SBF2: variants seen among roughly 807,000 people sequenced by gnomAD.
SBF2 encodes the protein SET binding factor 2.
In SBF2, 112 loss-of-function variants were observed where a neutral mutation model predicts 225.2. That is an observed-to-expected ratio of 0.50 (90% CI 0.43 to 0.58). The LOEUF (loss-of-function observed/expected upper bound fraction) is 0.58. SBF2 is among the 20% of genes least tolerant of loss of function. The probability of loss-of-function intolerance (pLI) is 0.00; values close to 1 mark genes in which losing one functional copy is unlikely to be tolerated. For missense variants in SBF2, 1,996 were observed against 2,206.2 expected, an observed-to-expected ratio of 0.90 and a Z score of 1.91; for synonymous variants, 763 against 773.3, an observed-to-expected ratio of 0.99 and a Z score of 0.22.
intron 1 of SBF2, among the ~76,000 whole-genome samples, chr11:10,217,571 C>G: frequency 6.6e-6 from 1 of 152,190 alleles, no homozygotes; most frequent in East Asian, 1.9e-4. Context: ...TTTATTAGTT[C>G]TAAAGTATCA....
intron 4 of SBF2, among the ~76,000 whole-genome samples, chr11:10,030,380 A>G (rs1214617519): frequency 4.6e-5 from 7 of 152,208 alleles, no homozygotes; most frequent in African/African-American, 1.7e-4. Context: ...TGCAATCTTT[A>G]TGAATCTTTC....
intron 2 of SBF2, among the ~76,000 whole-genome samples, chr11:10,117,592 C>A (rs1953206223): frequency 6.6e-6 from 1 of 152,080 alleles, no homozygotes; most frequent in South Asian, 2.1e-4. Flanking sequence ...CTTTCCTGAT[C>A]AGACTGAAAG....
intron 22 of SBF2, among the ~76,000 whole-genome samples, chr11:9,847,504 G>A (rs1856631540): frequency 8.7e-6 from 1 of 115,208 alleles, no homozygotes; most frequent in South Asian, 2.7e-4. Flanking sequence ...AATTTTATAG[G>A]AAGGGAGGTT....
At chr11:10,072,474 A>ATT (rs71453946) in intron 2 of SBF2, among the ~76,000 whole-genome samples, 45 of 149,500 alleles carry the variant, frequency 3.0e-4, no homozygotes, top group African/African-American at 1.1e-3. Flanking sequence ...ATATACTTCT[A>ATT]TTTTTTTTTT....
At chr11:10,259,473 C>A (rs889701806) in intron 1 of SBF2, among the ~76,000 whole-genome samples, 13 of 152,044 alleles carry the variant, frequency 8.6e-5, no homozygotes, top group Admixed American at 3.9e-4. Flanking sequence ...TCCTTAGAAC[C>A]TAACTAAGAA....
At chr11:9,994,257 G>A (rs1391376785) in intron 9 of SBF2, among the ~76,000 whole-genome samples, 2 of 151,436 alleles carry the variant, frequency 1.3e-5, no homozygotes, top group African/African-American at 4.8e-5. Context: ...GGCAGATCAC[G>A]AGGTCAGGAG....
At chr11:9,921,722 C>T (rs1863647228) in intron 16 of SBF2, among the ~76,000 whole-genome samples, 2 of 152,090 alleles carry the variant, frequency 1.3e-5, no homozygotes, top group Non-Finnish European at 2.9e-5. Flanking sequence ...ATACTTATGT[C>T]TTTATTTCTT....
chr11:9,780,499 A>G lies in SBF2; in HGVS notation c.5469T>C (p.Arg1823=), dbSNP rs373457270. 2.1e-5 allele frequency: 34 copies of G among 1,614,106 alleles called. No individual in the cohort carries two copies. In the South Asian group the frequency reaches 2.6e-4, roughly 13 times the overall value. The change falls in exon 40 of 40, where the codon CGT becomes CGC. Residue 1823 remains arginine, a synonymous_variant. Coordinates refer to ENST00000256190, the MANE Select transcript of SBF2 (RefSeq NM_030962.4). ...KAFFDLKTSK[R]VYNFCAQDGQ... ...CATCCTGGGCGCAGAAGTTATACAC[A>G]CGTTTGCTGGTCTTGAGCTACAAAA...
chr11:9,965,459 C>T (rs970995485), intron 14 of SBF2, among the ~76,000 whole-genome samples: 9 of 151,900 alleles, frequency 5.9e-5, no homozygotes, highest in South Asian at 2.1e-4. Context: ...CGGCTAATTT[C>T]GTATTTTTAG....
intron 2 of SBF2, among the ~76,000 whole-genome samples, chr11:10,097,914 C>T (rs1423904989): frequency 1.3e-5 from 2 of 151,938 alleles, no homozygotes; most frequent in African/African-American, 2.4e-5. Flanking sequence ...CTCACCCCAC[C>T]GACAACACAC....
intron 2 of SBF2, among the ~76,000 whole-genome samples, chr11:10,186,464 C>T (rs942448978): frequency 1.3e-5 from 2 of 152,064 alleles, no homozygotes; most frequent in Non-Finnish European, 2.9e-5. Flanking sequence ...TCCAGGAGTT[C>T]GTGGTTACAA....
intron 17 of SBF2, among the ~76,000 whole-genome samples, chr11:9,867,238 C>A (rs939990680): frequency 1.3e-5 from 2 of 152,008 alleles, no homozygotes; most frequent in East Asian, 1.9e-4. Flanking sequence ...ATTTCATGTA[C>A]CCCATAAATA....
At chr11:10,230,082 T>C (rs1958765030) in intron 1 of SBF2, among the ~76,000 whole-genome samples, 1 of 152,192 alleles carries the variant, frequency 6.6e-6, no homozygotes, top group Admixed American at 6.5e-5. Flanking sequence ...CTTCTTTGTC[T>C]CTTTTGATCT....
chr11:9,942,214 T>C (rs1362528594), intron 16 of SBF2, among the ~76,000 whole-genome samples: 4 of 152,106 alleles, frequency 2.6e-5, no homozygotes, highest in African/African-American at 4.8e-5. Context: ...GCTACAGGTG[T>C]GTGCTACCAT....
At chr11:10,077,188 G>A (rs966777094) in intron 2 of SBF2, among the ~76,000 whole-genome samples, 3 of 152,174 alleles carry the variant, frequency 2.0e-5, no homozygotes, top group African/African-American at 7.2e-5. Context: ...CCATGCTCAT[G>A]GATAGGAAGA....
chr11:9,842,359 T>G (rs1341279290), intron 25 of SBF2, among the ~76,000 whole-genome samples: 1 of 152,190 alleles, frequency 6.6e-6, no homozygotes, highest in African/African-American at 2.4e-5. Context: ...GGGGTTCCCT[T>G]CTTTCTTCTT....
At chr11:9,974,979 AAAAAAAAAAG>A (rs1158912493) in intron 13 of SBF2, among the ~76,000 whole-genome samples, 2,128 of 79,058 alleles carry the variant, frequency 0.027, 105 homozygotes, top group South Asian at 0.071. Context: ...AAAAAAAAAA[AAAAAAAAAAG>A]AAAAAAAGAA....
chr11:10,022,529 T>C (rs1016744963), intron 6 of SBF2, among the ~76,000 whole-genome samples: 1 of 151,972 alleles, frequency 6.6e-6, no homozygotes, highest in African/African-American at 2.4e-5. Context: ...ATCTTAAAAA[T>C]ACCACCCACA....
At chr11:9,962,207 T>C (rs938976121) in intron 15 of SBF2, 101 bp from the exon 16 acceptor site, 10 of 1,005,398 alleles carry the variant, frequency 9.9e-6, no homozygotes, top group Non-Finnish European at 1.5e-5. Flanking sequence ...TATAATTTAT[T>C]TAACATAGTT....
Sources: gnomAD v4.1 joint callset for allele counts (sites outside exome capture counted in the v4.1 genomes callset) on GRCh38, gnomAD v4.1.1 for gene constraint, MANE v1.5 for transcripts, NCBI Gene and HGNC (gene_info 2026-07-23, HGNC 2026-07-21) for gene names.